AQR: variants seen among roughly 807,000 people sequenced by gnomAD.
The protein encoded by AQR is RNA helicase aquarius.
Under a neutral mutation model 180.5 loss-of-function variants are expected in AQR, and 61 were observed. The ratio of observed to expected loss-of-function variants is 0.34; its 90% CI spans 0.28 to 0.42. The LOEUF (loss-of-function observed/expected upper bound fraction) is 0.42, where lower values mean the gene tolerates loss of function less well. Ranked by LOEUF, AQR falls within the 10% of genes least tolerant of loss-of-function variation. The pLI, the probability that AQR is intolerant of heterozygous loss-of-function variation, is 1.00. For missense variants in AQR, 1,281 were observed against 1,798.3 expected, an observed-to-expected ratio of 0.71 and a Z score of 5.20; for synonymous variants, 551 against 588.8, an observed-to-expected ratio of 0.94 and a Z score of 0.93.
At chr15:34,861,404 C>T (rs760963606) in intron 33 of AQR, among the ~76,000 whole-genome samples, 36 of 152,186 alleles carry the variant, frequency 2.4e-4, no homozygotes, top group African/African-American at 3.4e-4. Context: ...CAGCACTCTC[C>T]GCCCCTCACT....
At chr15:34,943,457 A>G in intron 6 of AQR, 1 of 475,398 alleles carries the variant, frequency 2.1e-6, no homozygotes, top group Non-Finnish European at 3.4e-6. Flanking sequence ...ATAAATAAAT[A>G]AATAAATAAA....
At position 34,920,322 on chromosome 15, in the gene AQR, T is replaced by A. The variant is rs778251492; in HGVS notation, c.1221+10A>T. The A allele has an allele frequency of 1.3e-6, 2 of 1,578,454 alleles. No homozygotes were observed. Among genetic ancestry groups the A allele is most frequent in the Non-Finnish European group, 1.7e-6 (2 of 1,150,156 alleles). On this transcript the variant is annotated intron_variant, in intron 14 of 34. Coordinates refer to ENST00000156471, the MANE Select transcript of AQR (RefSeq NM_014691.3). ...ACCACATGCAAAATTCAGAGAACATTAATATTTACCAGCAATTCTAGAAGA... is the reference window on the plus strand; with the variant it reads ...ACCACATGCAAAATTCAGAGAACATAAATATTTACCAGCAATTCTAGAAGA...
intron 24 of AQR, among the ~76,000 whole-genome samples, chr15:34,888,520 C>A (rs1249818552): frequency 6.6e-6 from 1 of 151,882 alleles, no homozygotes; most frequent in Non-Finnish European, 1.5e-5. Context: ...CATGGTGAAA[C>A]CCCGTCTCTA....
At chr15:34,869,734 T>C (rs1249762939) in intron 31 of AQR, 2 of 152,138 alleles carry the variant, frequency 1.3e-5, no homozygotes, top group African/African-American at 4.8e-5. Flanking sequence ...CTTTTGATTT[T>C]GTTTTCATTC....
At chr15:34,917,393 C>T (rs555918173) in intron 15 of AQR, among the ~76,000 whole-genome samples, 12 of 152,270 alleles carry the variant, frequency 7.9e-5, no homozygotes, top group African/African-American at 2.9e-4. Context: ...TATCTGAATG[C>T]ACTTTTGCAT....
chr15:34,901,185 G>C (rs1893326535), intron 19 of AQR, among the ~76,000 whole-genome samples: 1 of 151,994 alleles, frequency 6.6e-6, no homozygotes. Context: ...GGTGGACACA[G>C]CAGTAAAAAA....
intron 9 of AQR, among the ~76,000 whole-genome samples, chr15:34,936,043 G>GT (rs929444829): frequency 6.6e-6 from 1 of 152,078 alleles, no homozygotes; most frequent in African/African-American, 2.4e-5. Flanking sequence ...AAAGTTGCAT[G>GT]TTTTTTTATG....
chr15:34,950,084 CTTTTTTTTTTTTTT>C (rs1174370425), intron 4 of AQR, among the ~76,000 whole-genome samples: 1 of 74,058 alleles, frequency 1.4e-5, no homozygotes, highest in Non-Finnish European at 2.3e-5. Context: ...TGCTATTTTC[CTTTTTTTTTTTTTT>C]TTTTTTTTTT....
Position 34,938,809 on chromosome 15 carries a change from A to G in AQR, c.646T>C (p.Tyr216His). 1.2e-6 allele frequency: 2 copies of G among 1,604,468 alleles called. No individual in the cohort carries two copies. The highest frequency in any genetic ancestry group is 1.7e-6 in the Non-Finnish European group (2 of 1,173,146). ...KMDPEAREQA[Y>H]QERRFLSQLI... Reference sequence around the variant, plus strand: ...TGTGAAAGAAATCTCCTCTCTTGATATGCCCTAAAATCAGAAAGAACATTG... The same window carrying G: ...TGTGAAAGAAATCTCCTCTCTTGATGTGCCCTAAAATCAGAAAGAACATTG... The change falls in exon 9 of 35, where the codon TAT becomes CAT. Residue 216 changes from tyrosine (Y) to histidine (H), a missense_variant. Physicochemically the swap from Tyr to His is moderately conservative, Grantham distance 83. This residue lies in a region of AQR where 404 missense variants were observed against 490.9 expected (regional missense o/e 0.82). Coordinates refer to ENST00000156471, the MANE Select transcript of AQR (RefSeq NM_014691.3).
At position 34,938,722 on chromosome 15, in the gene AQR, T is replaced by C. The variant is rs1005671810; in HGVS notation, c.718+15A>G. On this transcript the variant is annotated intron_variant, in intron 9 of 34. Transcript: ENST00000156471. ...ATGATAATTTCACAAATGCACTGAGTAAAAAAGAAGATACCAGAAAGTGGG... is the reference window on the plus strand; with the variant it reads ...ATGATAATTTCACAAATGCACTGAGCAAAAAAGAAGATACCAGAAAGTGGG... 1.4e-6 allele frequency: 2 copies of C among 1,390,206 alleles called. No homozygotes were observed. The highest frequency in any genetic ancestry group is 1.8e-4 in the Middle Eastern group (1 of 5,516). 86.1% of individuals were successfully genotyped at this position (1,390,206 alleles called of 1,614,324 possible).
chr15:34,903,824 CAA>C (rs749794809), intron 19 of AQR, among the ~76,000 whole-genome samples: 1 of 151,944 alleles, frequency 6.6e-6, no homozygotes, highest in Non-Finnish European at 1.5e-5. Context: ...CTTCTCCCCA[CAA>C]AGTTATTCTA....
rs60598508 is a variant in AQR at position 34,961,662 on chromosome 15, CA to C, written c.133-849del. Among the ~76,000 whole-genome samples, 1,061 of 112,742 alleles carry C rather than the reference CA, an allele frequency of 9.4e-3. 15 individuals carry two copies. The highest frequency in any genetic ancestry group is 0.034 in the African/African-American group (983 of 28,516). 74.0% of individuals were successfully genotyped at this position (112,742 alleles called of 152,430 possible). Reference sequence around the variant, plus strand: ...ATTCTGACTCTGGAACTGTACATCTCAAAAAAAAAAAAAAAAGAAAAAAAGA... The same window carrying C: ...ATTCTGACTCTGGAACTGTACATCTCAAAAAAAAAAAAAAAGAAAAAAAGA... On this transcript the variant is annotated intron_variant, in intron 2 of 34. Transcript: ENST00000156471.
intron 3 of AQR, among the ~76,000 whole-genome samples, chr15:34,955,716 T>A (rs966751776): frequency 4.6e-5 from 7 of 152,148 alleles, no homozygotes; most frequent in African/African-American, 9.7e-5. Context: ...GAGACCAGCC[T>A]GGCCAACATG....
chr15:34,941,863 C>A, intron 7 of AQR, 149 bp downstream of exon 7: 1 of 419,834 alleles, frequency 2.4e-6, no homozygotes, highest in Non-Finnish European at 4.1e-6. Context: ...AAAATAAAAA[C>A]TATATCTATG....
In AQR at chr15:34,897,723, C is replaced by G. The variant is rs1893270386; in HGVS notation, c.2244-18G>C. The G allele has an allele frequency of 6.2e-7, 1 of 1,612,958 alleles. No individual in the cohort carries two copies. Among genetic ancestry groups the G allele is most frequent in the Non-Finnish European group, 8.5e-7 (1 of 1,179,624 alleles). On this transcript the variant is annotated intron_variant, in intron 20 of 34. Transcript: ENST00000156471. ...AAGTTATCCTACAAGACCAAAACTTCTGTTCATTTTTGCAATTAACAAGGA... is the reference window on the plus strand; with the variant it reads ...AAGTTATCCTACAAGACCAAAACTTGTGTTCATTTTTGCAATTAACAAGGA...
chr15:34,934,445 T>C (rs1179743488), intron 10 of AQR, 126 bp downstream of exon 10: 1 of 396,798 alleles, frequency 2.5e-6, no homozygotes, highest in South Asian at 6.0e-5. Flanking sequence ...AATTGAAATA[T>C]ATAATAAATA....
intron 19 of AQR, among the ~76,000 whole-genome samples, chr15:34,903,873 AC>A (rs1893371690): frequency 1.5e-5 from 1 of 68,162 alleles, no homozygotes; most frequent in South Asian, 7.4e-4. Flanking sequence ...TCCCTTTCCT[AC>A]TAATGAGTAA....
At chr15:34,881,921 T>C (rs1294542747) in intron 27 of AQR, among the ~76,000 whole-genome samples, 1 of 152,170 alleles carries the variant, frequency 6.6e-6, no homozygotes, top group Non-Finnish European at 1.5e-5. Flanking sequence ...TTCTCCTGCC[T>C]CAGCCTCCCA....
At chr15:34,941,232 T>C (rs1032566164) in intron 7 of AQR, among the ~76,000 whole-genome samples, 1 of 152,212 alleles carries the variant, frequency 6.6e-6, no homozygotes. Flanking sequence ...GTAAGCTCAA[T>C]AATCAATTAA....
Sources: gnomAD v4.1 joint callset for allele counts (sites outside exome capture counted in the v4.1 genomes callset) on GRCh38, gnomAD v4.1.1 for gene constraint, gnomAD v4.1.1 regional missense constraint, MANE v1.5 for transcripts, NCBI Gene and HGNC (gene_info 2026-07-23, HGNC 2026-07-21) for gene names.